The following CSE1L variants were observed in gnomAD, a reference collection of about 807,000 sequenced individuals.
CSE1L encodes exportin-2.
Under a neutral mutation model 120.4 loss-of-function variants are expected in CSE1L, and 24 were observed. That is an observed-to-expected ratio of 0.20 (90% CI 0.14 to 0.28). The LOEUF (loss-of-function observed/expected upper bound fraction) is 0.28. CSE1L is among the 10% of genes least tolerant of loss of function. The pLI is 1.00. For missense variants in CSE1L, 830 were observed against 1,145.2 expected (o/e 0.72, Z 3.97); for synonymous variants, 402 against 398.3 (o/e 1.01, Z -0.11).
intron 1 of CSE1L, among the ~76,000 whole-genome samples, chr20:49,057,916 G>A (rs1205787793): frequency 6.6e-6 from 1 of 152,072 alleles, no homozygotes; most frequent in African/African-American, 2.4e-5. Flanking sequence ...ACAGGCATGA[G>A]CCACCATGCC....
chr20:49,073,139 G>GT (rs1279598606), intron 10 of CSE1L, among the ~76,000 whole-genome samples: 2 of 151,992 alleles, frequency 1.3e-5, no homozygotes, highest in Non-Finnish European at 2.9e-5. Context: ...AGTCTTCTGA[G>GT]TAGCTGGGAC....
rs114092726 is a variant in CSE1L at position 49,049,376 on chromosome 20, G to T, written c.-12+2953G>T. On this transcript the variant is annotated intron_variant, in intron 1 of 24. Coordinates refer to ENST00000262982, the MANE Select transcript of CSE1L (RefSeq NM_001316.4). ...TTTTTATTTTTTTTTTGTAGAGATG[G>T]CACCATGTTGCCCAGGTTGGTCTCA... Among the ~76,000 whole-genome samples the T allele has an allele frequency of 3.4e-3, 518 of 151,890 alleles. 3 individuals are homozygous for T. The highest frequency in any genetic ancestry group is 0.012 in the African/African-American group (491 of 41,404).
At chr20:49,057,798 A>G (rs2091820551) in intron 1 of CSE1L, among the ~76,000 whole-genome samples, 1 of 151,814 alleles carries the variant, frequency 6.6e-6, no homozygotes, top group African/African-American at 2.4e-5. Context: ...TGTCCAGCTA[A>G]TTTTTGTATT....
At chr20:49,088,186 C>T (rs1013780508) in intron 17 of CSE1L, 80 bp downstream of exon 17, 6 of 937,050 alleles carry the variant, frequency 6.4e-6, no homozygotes, top group South Asian at 1.4e-5. Flanking sequence ...TTTGGCATTA[C>T]GTGAAGCTTT....
intron 1 of CSE1L, among the ~76,000 whole-genome samples, chr20:49,057,395 CAG>C (rs1215047073): frequency 6.7e-6 from 1 of 149,994 alleles, no homozygotes. Flanking sequence ...TCTTTAATCT[CAG>C]AACTTTATGT....
At chr20:49,057,691 G>A (rs2091819782) in intron 1 of CSE1L, among the ~76,000 whole-genome samples, 1 of 152,042 alleles carries the variant, frequency 6.6e-6, no homozygotes, top group Non-Finnish European at 1.5e-5. Flanking sequence ...CAGTGCTATG[G>A]TGCGATCTCA....
intron 1 of CSE1L, among the ~76,000 whole-genome samples, chr20:49,053,426 TC>T (rs2091784260): frequency 1.5e-5 from 2 of 135,882 alleles, no homozygotes; most frequent in African/African-American, 2.8e-5. Context: ...TGGCGCAATC[TC>T]GCCTCATTGC....
At position 49,051,847 on chromosome 20, in the gene CSE1L, G is replaced by A. The variant is rs574669673; in HGVS notation, c.-12+5424G>A. ...AGAGCAGCTGAGACTACAAGTGCTC[G>A]CCACCATGCCTGGCTAATTTTTATT... is the stretch of plus-strand genomic sequence containing the variant. On this transcript the variant is annotated intron_variant, in intron 1 of 24. Transcript: ENST00000262982. 2.6e-5 allele frequency among the ~76,000 whole-genome samples: 4 copies of A among 152,218 alleles called. No individual in the cohort carries two copies. In the South Asian group the frequency reaches 6.2e-4, roughly 24 times the overall value.
intron 5 of CSE1L, 108 bp from the exon 6 acceptor site, chr20:49,067,082 C>T (rs957202880): frequency 3.6e-5 from 14 of 385,378 alleles, no homozygotes; most frequent in Non-Finnish European, 5.8e-5. Flanking sequence ...TTCGGAATTT[C>T]GGAAACCCAT....
intron 2 of CSE1L, 78 bp from the exon 3 acceptor site, chr20:49,063,124 T>TATA (rs1169172070): frequency 9.5e-6 from 7 of 739,328 alleles, no homozygotes; most frequent in Non-Finnish European, 1.3e-5. Context: ...TTTGATTTTT[T>TATA]TTTATATATA....
At chr20:49,076,520 C>CTTTTT (rs35713931) in intron 12 of CSE1L, among the ~76,000 whole-genome samples, 17 of 79,592 alleles carry the variant, frequency 2.1e-4, no homozygotes, top group South Asian at 4.5e-4. Context: ...CCCTCTCTCT[C>CTTTTT]TTTTTTTTTT....
At chr20:49,051,271 C>T (rs2091764319) in intron 1 of CSE1L, among the ~76,000 whole-genome samples, 1 of 152,246 alleles carries the variant, frequency 6.6e-6, no homozygotes, top group Non-Finnish European at 1.5e-5. Flanking sequence ...CCAGGCCGGG[C>T]ACGGTGGCTC....
chr20:49,079,898 G>A (rs368224268), intron 14 of CSE1L, among the ~76,000 whole-genome samples: 66 of 152,270 alleles, frequency 4.3e-4, no homozygotes, highest in African/African-American at 1.5e-3. Flanking sequence ...TGGCCAACAT[G>A]ACGAAACCCC....
chr20:49,066,004 G>A (rs952026685), intron 3 of CSE1L, among the ~76,000 whole-genome samples, 188 bp from the exon 4 acceptor site: 1 of 152,128 alleles, frequency 6.6e-6, no homozygotes, highest in African/African-American at 2.4e-5. Flanking sequence ...AAGGATTCAC[G>A]CTGTCATCAG....
chr20:49,053,311 T>G (rs1012356243), intron 1 of CSE1L, among the ~76,000 whole-genome samples: 1 of 150,260 alleles, frequency 6.7e-6, no homozygotes, highest in Non-Finnish European at 1.5e-5. Flanking sequence ...TCAGATACAC[T>G]GATGTTAATG....
In CSE1L at chr20:49,063,364, A is replaced by G. The variant is rs1421017670; in HGVS notation, c.228+20A>G. 1.4e-6 allele frequency: 2 copies of G among 1,394,318 alleles called. No homozygotes were observed. The highest frequency in any genetic ancestry group is 2.0e-6 in the Non-Finnish European group (2 of 1,020,292). The allele number at this position is 1,394,318 out of a possible 1,614,324, so 86.4% of individuals were successfully genotyped here. Reference sequence around the variant, plus strand: ...AGAATTGTAAGTATTTTGTGAATACATAATTTAATACCCTGTATGTTTATA... The same window carrying G: ...AGAATTGTAAGTATTTTGTGAATACGTAATTTAATACCCTGTATGTTTATA... On this transcript the variant is annotated intron_variant, in intron 3 of 24. Transcript: ENST00000262982.
intron 16 of CSE1L, among the ~76,000 whole-genome samples, chr20:49,087,351 CTTT>C (rs11483071): frequency 2.6e-5 from 3 of 116,278 alleles, no homozygotes; most frequent in Non-Finnish European, 3.4e-5. Context: ...TTTTCTTTTT[CTTT>C]TTTTTTTTTT....
intron 16 of CSE1L, among the ~76,000 whole-genome samples, chr20:49,087,351 CTT>C (rs11483071): frequency 2.1e-4 from 25 of 116,286 alleles, no homozygotes; most frequent in East Asian, 4.8e-4. Flanking sequence ...TTTTCTTTTT[CTT>C]TTTTTTTTTT....
At chr20:49,077,601 C>T (rs1187098383) in intron 13 of CSE1L, among the ~76,000 whole-genome samples, 1 of 152,116 alleles carries the variant, frequency 6.6e-6, no homozygotes, top group African/African-American at 2.4e-5. Flanking sequence ...AGCTTTGCTA[C>T]CTAGTGTATA....
Sources: allele counts gnomAD v4.1 joint callset (sites outside exome capture counted in the v4.1 genomes callset), GRCh38; gene constraint gnomAD v4.1.1; transcripts MANE v1.5; gene names NCBI Gene and HGNC (gene_info 2026-07-23, HGNC 2026-07-21).